The following ANKRD53 variants were observed in gnomAD, a reference collection of about 807,000 sequenced individuals.
ANKRD53 encodes ankyrin repeat domain 53, also known as ankyrin repeat domain-containing protein 53.
ANKRD53 carries 27 observed loss-of-function variants against 30.1 expected under a neutral mutation model. The ratio of observed to expected loss-of-function variants is 0.90; its 90% CI spans 0.66 to 1.24. The LOEUF (loss-of-function observed/expected upper bound fraction) is 1.24, where lower values mean the gene tolerates loss of function less well. Among genes scored for constraint, ANKRD53 ranks in the 50% most tolerant of loss-of-function variants. The pLI is 0.00. For missense variants in ANKRD53, 682 were observed against 721.0 expected, an observed-to-expected ratio of 0.95 and a Z score of 0.62; for synonymous variants, 286 against 295.4, an observed-to-expected ratio of 0.97 and a Z score of 0.33.
rs782065287 is a variant in ANKRD53 at position 70,984,708 on chromosome 2, G to A, written c.1001G>A (p.Arg334Gln). 23 of 1,611,788 alleles carry A rather than the reference G, an allele frequency of 1.4e-5. 1 individual carries two copies. Among genetic ancestry groups the A allele is most frequent in the South Asian group, 7.7e-5 (7 of 90,960 alleles). ...CTGGTCTCCAATACCAAGCAAGCCC[G>A]GGCCACCGCCCTCTCCAAGACCCCA... is the stretch of plus-strand genomic sequence containing the variant. ...HSLVSNTKQA[R>Q]ATALSKTPEQ... The change falls in exon 6 of 6, where the codon CGG becomes CAG. Residue 334 changes from arginine to glutamine, a missense_variant. Arg to Gln is a conservative substitution (Grantham distance 43). Coordinates refer to ENST00000360589, the MANE Select transcript of ANKRD53 (RefSeq NM_001115116.2).
At chr2:70,983,230 G>A (rs1449303615) in intron 5 of ANKRD53, among the ~76,000 whole-genome samples, 5 of 152,230 alleles carry the variant, frequency 3.3e-5, no homozygotes, top group Admixed American at 3.3e-4. Flanking sequence ...TGATGCTTAA[G>A]AGGAGTCTTG....
Position 70,979,218 on chromosome 2 carries a change from C to A in ANKRD53, c.292C>A (p.Gln98Lys). The A allele has an allele frequency of 6.2e-7, 1 of 1,613,426 alleles. No individual in the cohort carries two copies. Among genetic ancestry groups the A allele is most frequent in the Non-Finnish European group, 8.5e-7 (1 of 1,180,016 alleles). Residue 98 changes from glutamine (Q) to lysine (K), a missense_variant, in exon 2 of 6, where the codon CAG becomes AAG. Gln to Lys is a moderately conservative substitution (Grantham distance 53). Transcript: ENST00000360589. ...ADPSPSKESD[Q>K]TAIDQTAIGS... Reference sequence around the variant, plus strand: ...CCCCAGCCCCAGCAAGGAGTCCGACCAGACGGCAATCGACCAGACGGCGAT... The same window carrying A: ...CCCCAGCCCCAGCAAGGAGTCCGACAAGACGGCAATCGACCAGACGGCGAT...
chr2:70,979,193 C>T lies in ANKRD53; in HGVS notation c.267C>T (p.Asp89=), dbSNP rs782714268. ...CCTCGCTCACCCCGCCCCGCGCTGA[C>T]CCCAGCCCCAGCAAGGAGTCCGACC... ...RPASLTPPRA[D]PSPSKESDQT... The change falls in exon 2 of 6, where the codon GAC becomes GAT. Residue 89 remains aspartate, a synonymous_variant. Coordinates refer to ENST00000360589, the MANE Select transcript of ANKRD53 (RefSeq NM_001115116.2). 6.2e-7 allele frequency: 1 copy of T among 1,612,872 alleles called. No homozygotes were observed. The highest frequency in any genetic ancestry group is 1.3e-5 in the African/African-American group (1 of 74,942).
At position 70,978,791 on chromosome 2, in the gene ANKRD53, C is replaced by A. The variant is rs782112367; in HGVS notation, c.146C>A (p.Thr49Asn). 9 of 1,571,376 alleles carry A rather than the reference C, an allele frequency of 5.7e-6. No individual in the cohort carries two copies. In the South Asian group the frequency reaches 9.4e-5, roughly 16 times the overall value. Residue 49 changes from threonine (T) to asparagine (N), a missense_variant, in exon 1 of 6, where the codon ACT becomes AAT. Coordinates refer to ENST00000360589, the MANE Select transcript of ANKRD53 (RefSeq NM_001115116.2). This position sits in a 1 kb window ranked among gnomAD's most constrained non-coding sequence, Gnocchi z 4.3. ...AAAGTCTCCTTGAAGGCCACCTGGA[C>A]TGACGCGGAGTCCAAGCAGCCCAGG... The part of the protein sequence containing the change: ...ANKVSLKATW[T>N]DAESKQPSQP...
rs751567222 is a variant in ANKRD53 at position 70,982,011 on chromosome 2, G to A, written c.693G>A (p.Val231=). ...TGCTGGACTGTGTGAAGGTCCTGGT[G>A]CAGAGTGGCGCCAACGTCCATGCCC... ...DGLLDCVKVL[V]QSGANVHAQD... The change falls in exon 4 of 6, where the codon GTG becomes GTA. Residue 231 remains valine, a synonymous_variant. Transcript: ENST00000360589. This position sits in a 1 kb window ranked among gnomAD's most constrained non-coding sequence, Gnocchi z 4.2. The A allele has an allele frequency of 2.9e-5, 46 of 1,613,656 alleles. No homozygotes were observed. Among genetic ancestry groups the A allele is most frequent in the Non-Finnish European group, 3.5e-5 (41 of 1,179,838 alleles).
rs781812237 is a variant in ANKRD53, at chr2:70,985,339, G to A, written c.*39G>A. The A allele has an allele frequency of 8.7e-5, 131 of 1,514,344 alleles. No homozygotes were observed. In the South Asian group the frequency reaches 1.3e-3, roughly 16 times the overall value. 93.8% of individuals were successfully genotyped at this position (1,514,344 alleles called of 1,614,324 possible). ...ACCTCTCCCCCTGAGGCAGCCCAGT[G>A]AAGGCTGAAGTGTGGCAATTCACGT... On this transcript the variant is annotated 3_prime_UTR_variant, in exon 6 of 6. Transcript: ENST00000360589.
rs572319542 is a variant in ANKRD53 at position 70,981,049 on chromosome 2, C to T, written c.618-887C>T. The stretch of plus-strand genomic sequence containing the variant: ...GGCTTGGGAAGTCAGAAAAGATCCC[C>T]AGGTGCTTCTAACTTGAAGCTAAGT... On this transcript the variant is annotated intron_variant, in intron 3 of 5. Coordinates refer to ENST00000360589, the MANE Select transcript of ANKRD53 (RefSeq NM_001115116.2). Among the ~76,000 whole-genome samples, 46 of 152,320 alleles carry T rather than the reference C, an allele frequency of 3.0e-4. No homozygotes were observed. The South Asian group carries it at 9.5e-3, about 32-fold the overall frequency.
At chr2:70,984,521 G>T in intron 5 of ANKRD53, 90 bp from the exon 6 acceptor site, 1 of 1,546,014 alleles carries the variant, frequency 6.5e-7, no homozygotes, top group Non-Finnish European at 8.7e-7. Context: ...TCAGACTGTG[G>T]TTTCCGAAAG....
In ANKRD53 at chr2:70,979,148, C is replaced by CGCCAG. The variant is rs1338357208; in HGVS notation, c.226_230dup (p.Arg78GlyfsTer52). 3.1e-5 allele frequency: 50 copies of CGCCAG among 1,609,608 alleles called. No individual in the cohort carries two copies. The highest frequency in any genetic ancestry group is 4.2e-5 in the Non-Finnish European group (50 of 1,178,906). On this transcript the variant is annotated frameshift_variant, in exon 2 of 6. Transcript: ENST00000360589. LOFTEE classifies it high-confidence loss of function. Reference sequence around the variant, plus strand: ...ACCTCAGTGCGCAGGCGACTGCCCTCGCCAGGCCGCGCCGCCCTGCCTCGC... The same window carrying CGCCAG: ...ACCTCAGTGCGCAGGCGACTGCCCTCGCCAGGCCAGGCCGCGCCGCCCTGCCTCGC...
intron 5 of ANKRD53, among the ~76,000 whole-genome samples, chr2:70,983,082 T>C (rs1553423977): frequency 6.6e-6 from 1 of 152,190 alleles, no homozygotes; most frequent in Non-Finnish European, 1.5e-5. Flanking sequence ...ATTCACTCTG[T>C]GCTAGGAACC....
Position 70,984,910 on chromosome 2 carries a change from C to T in ANKRD53, c.1203C>T (p.Ser401=). 6.4e-7 allele frequency: 1 copy of T among 1,550,994 alleles called. No individual in the cohort carries two copies. Among genetic ancestry groups the T allele is most frequent in the Non-Finnish European group, 8.7e-7 (1 of 1,147,016 alleles). The change falls in exon 6 of 6, where the codon AGC becomes AGT. Residue 401 remains serine, a synonymous_variant. Transcript: ENST00000360589. ...CCAGACCCCCCACCACCCAGATCAG[C>T]CACTCGCAGGGCATCCGCCTGGGCG... The part of the protein sequence containing the change: ...NPARPPTTQI[S]HSQGIRLGVH...
chr2:70,979,603 G>A, intron 2 of ANKRD53, 58 bp from the exon 3 acceptor site: 1 of 1,535,232 alleles, frequency 6.5e-7, no homozygotes, highest in Non-Finnish European at 8.8e-7. Flanking sequence ...TATATAAATT[G>A]TGGACCCTGG....
In ANKRD53 at chr2:70,982,840, G is replaced by C. The variant is rs1572935946; in HGVS notation, c.903+143G>C. The C allele has an allele frequency of 2.7e-6, 3 of 1,120,838 alleles. No homozygotes were observed. Among genetic ancestry groups the C allele is most frequent in the East Asian group, 2.7e-5 (1 of 37,558 alleles). 69.4% of individuals were successfully genotyped at this position (1,120,838 alleles called of 1,614,324 possible). A position where few individuals can be genotyped will look rare whatever the true frequency, so the allele number is the denominator to read the frequency against. On this transcript the variant is annotated intron_variant, in intron 5 of 5. Coordinates refer to ENST00000360589, the MANE Select transcript of ANKRD53 (RefSeq NM_001115116.2). The surrounding 1 kb of genome is among the most constrained non-coding windows in gnomAD (Gnocchi z 4.2). ...ACCCTTTCGCCTGTACTCCCACCGG[G>C]TACTCTGACTGAAATTCCGCTCTTT...
Position 70,982,772 on chromosome 2 carries a change from A to G in ANKRD53, c.903+75A>G, listed in dbSNP as rs1670050501. ...GAGCAGAGGGGGCAGTGACCCACAT[A>G]TTGTGGAGGAGTGGCTAGAAGCACT... is the stretch of plus-strand genomic sequence containing the variant. On this transcript the variant is annotated intron_variant, in intron 5 of 5. Transcript: ENST00000360589. The surrounding 1 kb of genome is among the most constrained non-coding windows in gnomAD (Gnocchi z 4.2). 2.5e-6 allele frequency: 4 copies of G among 1,568,766 alleles called. No homozygotes were observed. In the Admixed American group the frequency reaches 5.2e-5, roughly 20 times the overall value.
At position 70,978,869 on chromosome 2, in the gene ANKRD53, G is replaced by A; in HGVS notation, c.170+54G>A. On this transcript the variant is annotated intron_variant, in intron 1 of 5. Coordinates refer to ENST00000360589, the MANE Select transcript of ANKRD53 (RefSeq NM_001115116.2). The surrounding 1 kb of genome is among the most constrained non-coding windows in gnomAD (Gnocchi z 4.3). Reference sequence around the variant, plus strand: ...GCAGGGAGCGAGAACCCGGCCCAGCGCCTCCCTGGTGGGCAGGGCCTGGAG... The same window carrying A: ...GCAGGGAGCGAGAACCCGGCCCAGCACCTCCCTGGTGGGCAGGGCCTGGAG... 6.6e-7 allele frequency: 1 copy of A among 1,525,490 alleles called. No individual in the cohort carries two copies. The highest frequency in any genetic ancestry group is 8.8e-7 in the Non-Finnish European group (1 of 1,134,892). 94.5% of individuals were successfully genotyped at this position (1,525,490 alleles called of 1,614,324 possible).
chr2:70,982,144 C>A lies in ANKRD53; in HGVS notation c.782+44C>A. On this transcript the variant is annotated intron_variant, in intron 4 of 5. Coordinates refer to ENST00000360589, the MANE Select transcript of ANKRD53 (RefSeq NM_001115116.2). This position sits in a 1 kb window ranked among gnomAD's most constrained non-coding sequence, Gnocchi z 4.2. ...CCTGGAGCCTGCCCACCCCCTTCCCCTCCCCCAGCCTTTTCCCTAGGGCCC... is the reference window on the plus strand; with the variant it reads ...CCTGGAGCCTGCCCACCCCCTTCCCATCCCCCAGCCTTTTCCCTAGGGCCC... The A allele has an allele frequency of 6.5e-7, 1 of 1,545,596 alleles. No homozygotes were observed. Among genetic ancestry groups the A allele is most frequent in the Non-Finnish European group, 8.7e-7 (1 of 1,144,006 alleles).
chr2:70,979,627 C>T, intron 2 of ANKRD53, 34 bp from the exon 3 acceptor site: 1 of 1,598,500 alleles, frequency 6.3e-7, no homozygotes, highest in Non-Finnish European at 8.5e-7. Flanking sequence ...CTCAGTCCCA[C>T]TCAGCCTCCT....
Position 70,985,159 on chromosome 2 carries a change from G to T in ANKRD53, c.1452G>T (p.Arg484Ser). 6.4e-7 allele frequency: 1 copy of T among 1,551,278 alleles called. No individual in the cohort carries two copies. The highest frequency in any genetic ancestry group is 1.4e-5 in the African/African-American group (1 of 73,190). ...CCATCAGCATGAGGGAAGTGCCCAGGAAGCGGCACCTGGGTGACAACACCT... is the reference window on the plus strand; with the variant it reads ...CCATCAGCATGAGGGAAGTGCCCAGTAAGCGGCACCTGGGTGACAACACCT... ...FYPISMREVP[R>S]KRHLGDNTFW... The change falls in exon 6 of 6, where the codon AGG becomes AGT. Residue 484 changes from arginine to serine, a missense_variant. Physicochemically the swap from Arg to Ser is moderately radical, Grantham distance 110. Transcript: ENST00000360589.
rs781808470 is a variant in ANKRD53, at chr2:70,978,820, G to A, written c.170+5G>A. On this transcript the variant is annotated splice_donor_5th_base_variant and intron_variant, in intron 1 of 5. Coordinates refer to ENST00000360589, the MANE Select transcript of ANKRD53 (RefSeq NM_001115116.2). The surrounding 1 kb of genome is among the most constrained non-coding windows in gnomAD (Gnocchi z 4.3). ...CGCGGAGTCCAAGCAGCCCAGGTGG[G>A]TAGCGGGAGAAGGTGTCCCGGCTGC... 1 of 1,557,202 alleles carries A rather than the reference G, an allele frequency of 6.4e-7. No homozygotes were observed. Among genetic ancestry groups the A allele is most frequent in the Non-Finnish European group, 8.7e-7 (1 of 1,152,248 alleles).
Sources: gnomAD v4.1 joint callset for allele counts (sites outside exome capture counted in the v4.1 genomes callset) on GRCh38, gnomAD v4.1.1 for gene constraint, Gnocchi (gnomAD v3.1) non-coding constraint, MANE v1.5 for transcripts, NCBI Gene and HGNC (gene_info 2026-07-23, HGNC 2026-07-21) for gene names.